SCAPER: variants seen among roughly 807,000 people sequenced by gnomAD.
The protein encoded by SCAPER is S phase cyclin A-associated protein in the endoplasmic reticulum.
Under a neutral mutation model 182.2 loss-of-function variants are expected in SCAPER, and 98 were observed. The observed-to-expected ratio is 0.54, with a 90% confidence interval of 0.46 to 0.64. The LOEUF (loss-of-function observed/expected upper bound fraction) is 0.64, where lower values mean the gene tolerates loss of function less well. SCAPER is among the 30% of genes least tolerant of loss of function. The pLI is 0.00. For synonymous variants in SCAPER, 605 were observed against 564.6 expected (o/e 1.07, Z -1.01); for missense variants, 1,432 against 1,690.0 (o/e 0.85, Z 2.68).
intron 22 of SCAPER, among the ~76,000 whole-genome samples, chr15:76,618,611 A>C (rs1034743157): frequency 2.6e-5 from 4 of 152,030 alleles, no homozygotes; most frequent in Admixed American, 6.6e-5. Context: ...GAACATTATT[A>C]TTTATTATTT....
At chr15:76,834,093 C>A (rs1279600092) in intron 5 of SCAPER, among the ~76,000 whole-genome samples, 6 of 152,110 alleles carry the variant, frequency 3.9e-5, no homozygotes, top group Non-Finnish European at 5.9e-5. Context: ...TAAGATGAAC[C>A]ACACACTCAG....
chr15:76,397,810 T>C (rs1294478586), intron 27 of SCAPER, among the ~76,000 whole-genome samples: 2 of 152,192 alleles, frequency 1.3e-5, no homozygotes, highest in East Asian at 3.9e-4. Context: ...ATCTCATCAC[T>C]TGCTAATGGT....
chr15:76,653,449 C>T (rs1220472819), intron 21 of SCAPER, among the ~76,000 whole-genome samples: 1 of 152,124 alleles, frequency 6.6e-6, no homozygotes, highest in East Asian at 1.9e-4. Flanking sequence ...AATCACACTA[C>T]CCAACTTCAA....
At chr15:76,553,318 T>G (rs1257388914) in intron 23 of SCAPER, among the ~76,000 whole-genome samples, 1 of 152,160 alleles carries the variant, frequency 6.6e-6, no homozygotes, top group Non-Finnish European at 1.5e-5. Context: ...TGGACACCGG[T>G]GCCCCTGCCC....
intron 22 of SCAPER, among the ~76,000 whole-genome samples, chr15:76,585,218 T>C (rs1356224139): frequency 6.6e-6 from 1 of 152,156 alleles, no homozygotes; most frequent in African/African-American, 2.4e-5. Context: ...ATGATTACTA[T>C]AATAATCCTG....
At chr15:76,625,416 T>C (rs963831787) in intron 21 of SCAPER, among the ~76,000 whole-genome samples, 1 of 152,150 alleles carries the variant, frequency 6.6e-6, no homozygotes, top group Non-Finnish European at 1.5e-5. Flanking sequence ...GGGAAGTTCA[T>C]TCTTGGACGT....
intron 21 of SCAPER, among the ~76,000 whole-genome samples, chr15:76,631,759 C>T (rs995227827): frequency 5.3e-5 from 8 of 152,040 alleles, no homozygotes; most frequent in Non-Finnish European, 8.8e-5. Flanking sequence ...GAAGATTATA[C>T]GTCTTGGGGT....
intron 17 of SCAPER, among the ~76,000 whole-genome samples, chr15:76,726,363 A>G (rs2060600861): frequency 1.3e-5 from 2 of 151,458 alleles, no homozygotes; most frequent in African/African-American, 2.4e-5. Context: ...GAAAAACAAA[A>G]TAACAAGCAT....
chr15:76,682,676 C>A (rs1295852101), intron 20 of SCAPER, among the ~76,000 whole-genome samples: 1 of 152,034 alleles, frequency 6.6e-6, no homozygotes, highest in Non-Finnish European at 1.5e-5. Flanking sequence ...GGTCAGTAGA[C>A]CAGAAATACT....
chr15:76,516,774 G>A (rs1299915458), intron 23 of SCAPER, among the ~76,000 whole-genome samples: 1 of 152,156 alleles, frequency 6.6e-6, no homozygotes, highest in African/African-American at 2.4e-5. Context: ...TATCCTGAGG[G>A]ACAGAGGGGG....
At chr15:76,465,680 A>C (rs934912875) in intron 25 of SCAPER, among the ~76,000 whole-genome samples, 1 of 152,024 alleles carries the variant, frequency 6.6e-6, no homozygotes, top group Admixed American at 6.6e-5. Flanking sequence ...CCTATGTTTT[A>C]ATTTGGAGTT....
At chr15:76,418,025 A>AG (rs2045777753) in intron 26 of SCAPER, among the ~76,000 whole-genome samples, 1 of 152,164 alleles carries the variant, frequency 6.6e-6, no homozygotes, top group East Asian at 1.9e-4. Context: ...TCAAAAAAAA[A>AG]AATTTTTTTT....
intron 21 of SCAPER, among the ~76,000 whole-genome samples, chr15:76,635,930 T>A (rs939577774): frequency 6.6e-6 from 1 of 152,348 alleles, no homozygotes; most frequent in Admixed American, 6.5e-5. Flanking sequence ...TGATATATAA[T>A]CTTTAAATAT....
At chr15:76,706,342 G>T (rs2059262428) in intron 17 of SCAPER, among the ~76,000 whole-genome samples, 1 of 152,012 alleles carries the variant, frequency 6.6e-6, no homozygotes, top group Admixed American at 6.6e-5. Context: ...AGACAAAGTA[G>T]AAGAGGAAAT....
At chr15:76,702,291 T>C (rs2059001280) in intron 19 of SCAPER, among the ~76,000 whole-genome samples, 1 of 152,064 alleles carries the variant, frequency 6.6e-6, no homozygotes, top group Non-Finnish European at 1.5e-5. Flanking sequence ...ACCCCAAAAA[T>C]ACTGACTTGG....
intron 25 of SCAPER, among the ~76,000 whole-genome samples, chr15:76,453,337 T>C (rs1226236456): frequency 1.3e-5 from 2 of 152,246 alleles, no homozygotes; most frequent in Admixed American, 6.5e-5. Flanking sequence ...ATGTTGTCTA[T>C]AGCAAAAGGA....
chr15:76,717,287 T>C (rs905454260), intron 17 of SCAPER, among the ~76,000 whole-genome samples: 3 of 152,170 alleles, frequency 2.0e-5, no homozygotes, highest in Non-Finnish European at 2.9e-5. Flanking sequence ...CATGAAATGC[T>C]TCTTCGAGGA....
At chr15:76,530,239 A>G (rs1228998693) in intron 23 of SCAPER, among the ~76,000 whole-genome samples, 3 of 152,220 alleles carry the variant, frequency 2.0e-5, no homozygotes, top group African/African-American at 7.2e-5. Flanking sequence ...TATTAATAAC[A>G]GGCAGAATAT....
At chr15:76,616,628 T>C (rs1469425860) in intron 22 of SCAPER, among the ~76,000 whole-genome samples, 1 of 152,194 alleles carries the variant, frequency 6.6e-6, no homozygotes, top group African/African-American at 2.4e-5. Context: ...TTTTGCTATA[T>C]GTATTTCATC....
Sources: gnomAD v4.1 joint callset for allele counts (sites outside exome capture counted in the v4.1 genomes callset) on GRCh38, gnomAD v4.1.1 for gene constraint, MANE v1.5 for transcripts, NCBI Gene and HGNC (gene_info 2026-07-23, HGNC 2026-07-21) for gene names.